Variants in CMIP observed in about 807,000 individuals in gnomAD.
The protein encoded by CMIP is c-Maf inducing protein.
Under a neutral mutation model 97.3 loss-of-function variants are expected in CMIP, and 13 were observed. The observed-to-expected ratio is 0.13, with a 90% CI of 0.09 to 0.21. The LOEUF is 0.21. CMIP is among the 10% of genes least tolerant of loss of function. The pLI is 1.00. For missense variants in CMIP, 847 were observed against 1,024.9 expected (o/e 0.83, Z 2.37); for synonymous variants, 538 against 436.3 (o/e 1.23, Z -2.91).
chr16:81,544,425 T>C (rs2090505323), intron 1 of CMIP, among the ~76,000 whole-genome samples: 1 of 140,002 alleles, frequency 7.1e-6, no homozygotes, highest in Non-Finnish European at 1.5e-5. Flanking sequence ...CCTCAGGGGG[T>C]AAGTGTGTGT....
rs534270590 is a variant in CMIP at position 81,548,247 on chromosome 16, C to T, written c.301-59320C>T. 3.9e-5 allele frequency among the ~76,000 whole-genome samples: 6 copies of T among 151,958 alleles called. No homozygotes were observed. In the South Asian group the frequency reaches 1.2e-3, roughly 32 times the overall value. On this transcript the variant is annotated intron_variant, in intron 1 of 20. Transcript: ENST00000537098. ...TTCCTGGGCTCAAGCGATTCTCCTC[C>T]CTCAGCCTCCTAAGTAGCTAGGACT...
chr16:81,629,947 T>C (rs2092131399), intron 3 of CMIP, among the ~76,000 whole-genome samples: 1 of 152,218 alleles, frequency 6.6e-6, no homozygotes, highest in Non-Finnish European at 1.5e-5. Flanking sequence ...TTTCTAGAAG[T>C]GGTTACTGGG....
chr16:81,688,214 C>G (rs543091251), intron 10 of CMIP, among the ~76,000 whole-genome samples: 9 of 148,610 alleles, frequency 6.1e-5, no homozygotes, highest in Admixed American at 1.3e-4. Flanking sequence ...GTAGATGACT[C>G]GGAGTGGGTA....
intron 1 of CMIP, among the ~76,000 whole-genome samples, chr16:81,498,093 G>T (rs748968778): frequency 6.6e-6 from 1 of 152,236 alleles, no homozygotes; most frequent in Non-Finnish European, 1.5e-5. Flanking sequence ...GTGGCTCTGA[G>T]GACAGAGGTC....
intron 3 of CMIP, chr16:81,622,027 A>C (rs549688059): frequency 6.6e-6 from 1 of 152,202 alleles, no homozygotes; most frequent in Admixed American, 6.5e-5. Flanking sequence ...CTGAGCTTCT[A>C]CTGTGTGCCA....
At chr16:81,704,185 C>T in intron 18 of CMIP, 100 bp downstream of exon 18, 1 of 937,006 alleles carries the variant, frequency 1.1e-6, no homozygotes, top group Admixed American at 2.2e-5. Flanking sequence ...CCCTCAGCCT[C>T]CTCCCTGCCC....
chr16:81,646,278 G>C (rs1275724082), intron 3 of CMIP, among the ~76,000 whole-genome samples: 9 of 151,822 alleles, frequency 5.9e-5, no homozygotes, highest in Admixed American at 5.2e-4. Flanking sequence ...ATGGATGGAT[G>C]GGTGGGTGGT....
Position 81,670,134 on chromosome 16 carries a change from C to A in CMIP, c.826-8C>A, listed in dbSNP as rs2092668148. The A allele has an allele frequency of 1.2e-6, 2 of 1,603,792 alleles. No homozygotes were observed. The highest frequency in any genetic ancestry group is 1.3e-5 in the African/African-American group (1 of 74,824). Reference sequence around the variant, plus strand: ...CGTCCCGACTCCTGTCCTCTGCTGTCTCCACAGGACTTTGGGAAGTGCCCG... The same window carrying A: ...CGTCCCGACTCCTGTCCTCTGCTGTATCCACAGGACTTTGGGAAGTGCCCG... On this transcript the variant is annotated splice_polypyrimidine_tract_variant and splice_region_variant and intron_variant, in intron 7 of 20. Coordinates refer to ENST00000537098, the MANE Select transcript of CMIP (RefSeq NM_198390.3).
chr16:81,603,418 C>A (rs1357034744), intron 1 of CMIP: 1 of 454,462 alleles, frequency 2.2e-6, no homozygotes, highest in South Asian at 1.6e-5. Context: ...TCTTTTAGGA[C>A]AGTTTGAGAT....
At chr16:81,467,682 G>A (rs1292008578) in intron 1 of CMIP, among the ~76,000 whole-genome samples, 1 of 151,150 alleles carries the variant, frequency 6.6e-6, no homozygotes, top group African/African-American at 2.4e-5. Flanking sequence ...CCAGGTTCAA[G>A]CGATTCTCTT....
chr16:81,490,066 C>T lies in CMIP; in HGVS notation c.300+44525C>T, dbSNP rs530268514. Among the ~76,000 whole-genome samples the T allele has an allele frequency of 1.1e-4, 16 of 152,302 alleles. No individual in the cohort carries two copies. The South Asian group carries it at 1.9e-3, about 18-fold the overall frequency. On this transcript the variant is annotated intron_variant, in intron 1 of 20. Coordinates refer to ENST00000537098, the MANE Select transcript of CMIP (RefSeq NM_198390.3). ...AGAGAGGGCAAGAGACCTGTGGACACGCCTGCACGCCTGTGCCAGAGGCCT... is the reference window on the plus strand; with the variant it reads ...AGAGAGGGCAAGAGACCTGTGGACATGCCTGCACGCCTGTGCCAGAGGCCT...
intron 1 of CMIP, among the ~76,000 whole-genome samples, chr16:81,503,149 C>T (rs142211131): frequency 1.3e-5 from 2 of 152,278 alleles, no homozygotes; most frequent in Non-Finnish European, 1.5e-5. Context: ...TTCTGATTTG[C>T]CCAATACTGT....
rs565659215 is a variant in CMIP at position 81,559,067 on chromosome 16, G to A, written c.301-48500G>A. On this transcript the variant is annotated intron_variant, in intron 1 of 20. Transcript: ENST00000537098. ...ACCAGGCCTGGGCGCCCCTCCTGCC[G>A]CCCAGAGCCACCAGGACTTCCTTCT... Among the ~76,000 whole-genome samples the A allele has an allele frequency of 2.6e-3, 391 of 152,312 alleles. 3 individuals are homozygous for A. Among genetic ancestry groups the A allele is most frequent in the Non-Finnish European group, 4.2e-3 (285 of 68,030 alleles).
chr16:81,667,860 G>A (rs56023207), intron 7 of CMIP, among the ~76,000 whole-genome samples: 2,159 of 150,630 alleles, frequency 0.014, 52 homozygotes, highest in African/African-American at 0.051. Context: ...ATGCCAGTGC[G>A]TGCATTTTTC....
chr16:81,669,071 C>G (rs536302184), intron 7 of CMIP, among the ~76,000 whole-genome samples: 1 of 142,128 alleles, frequency 7.0e-6, no homozygotes, highest in Admixed American at 6.9e-5. Flanking sequence ...ACCTCTCACA[C>G]TCACCTCCTT....
At position 81,453,874 on chromosome 16, in the gene CMIP, C is replaced by G. The variant is rs1567523511; in HGVS notation, c.300+8333C>G. Among the ~76,000 whole-genome samples, 3 of 152,178 alleles carry G rather than the reference C, an allele frequency of 2.0e-5. No homozygotes were observed. The highest frequency in any genetic ancestry group is 2.0e-4 in the Admixed American group (3 of 15,282). On this transcript the variant is annotated intron_variant, in intron 1 of 20. Coordinates refer to ENST00000537098, the MANE Select transcript of CMIP (RefSeq NM_198390.3). This position sits in a 1 kb window ranked among gnomAD's most constrained non-coding sequence, Gnocchi z 4.0. ...GATCTGGCCGCTTGGTTGGCTAGAA[C>G]TCAGACACACGGCCACACGGAGTGC...
At chr16:81,691,312 C>G (rs1258524731) in intron 10 of CMIP, among the ~76,000 whole-genome samples, 2 of 152,184 alleles carry the variant, frequency 1.3e-5, no homozygotes, top group Non-Finnish European at 2.9e-5. Context: ...TCCGTGTTTC[C>G]TCTTCTTCTA....
intron 10 of CMIP, among the ~76,000 whole-genome samples, chr16:81,681,006 C>G (rs889649482): frequency 1.2e-4 from 18 of 152,200 alleles, no homozygotes; most frequent in African/African-American, 4.3e-4. Context: ...CATCTGCGTC[C>G]AGACCCCCTG....
intron 3 of CMIP, among the ~76,000 whole-genome samples, chr16:81,633,485 C>A (rs1209779054): frequency 6.6e-6 from 1 of 152,208 alleles, no homozygotes; most frequent in East Asian, 1.9e-4. Flanking sequence ...TCAGAAAATA[C>A]CCAGCGGGAC....
Sources: allele counts gnomAD v4.1 joint callset (sites outside exome capture counted in the v4.1 genomes callset), GRCh38; gene constraint gnomAD v4.1.1; non-coding constraint Gnocchi (gnomAD v3.1); transcripts MANE v1.5; gene names NCBI Gene and HGNC (gene_info 2026-07-23, HGNC 2026-07-21).